The following ZNF565 variants were observed in gnomAD, a reference collection of about 807,000 sequenced individuals.
ZNF565 encodes zinc finger protein 565.
ZNF565 carries 27 observed loss-of-function variants against 39.4 expected under a neutral mutation model. That is an observed-to-expected ratio of 0.69 (90% CI 0.51 to 0.95). The LOEUF is 0.95. Ranked by LOEUF, ZNF565 falls within the 40% of genes least tolerant of loss-of-function variation. The pLI is 0.00. For missense variants in ZNF565, 524 were observed against 621.1 expected (o/e 0.84, Z 1.66); for synonymous variants, 185 against 216.6 (o/e 0.85, Z 1.28).
chr19:36,223,326 G>C (rs1055590047), intron 1 of ZNF565, among the ~76,000 whole-genome samples: 11 of 149,510 alleles, frequency 7.4e-5, no homozygotes, highest in African/African-American at 2.5e-4. Context: ...CTGGGCAACA[G>C]AGTGAGACTC....
At chr19:36,198,374 CCA>C (rs1568417597) in intron 2 of ZNF565, among the ~76,000 whole-genome samples, 1 of 152,008 alleles carries the variant, frequency 6.6e-6, no homozygotes, top group African/African-American at 2.4e-5. Context: ...ATGAAGTAAG[CCA>C]GGCACAGAGA....
At chr19:36,225,563 G>A (rs190332325) in intron 1 of ZNF565, among the ~76,000 whole-genome samples, 252 of 150,756 alleles carry the variant, frequency 1.7e-3, no homozygotes, top group African/African-American at 5.9e-3. Context: ...CAGTCCTTTT[G>A]TCTCAGCCTG....
intron 3 of ZNF565, 80 bp downstream of exon 3, chr19:36,194,950 C>T (rs756016685): frequency 6.2e-7 from 1 of 1,601,816 alleles, no homozygotes; most frequent in East Asian, 2.2e-5. Context: ...CCCATTTAGG[C>T]AGAGATGGAA....
intron 1 of ZNF565, among the ~76,000 whole-genome samples, chr19:36,233,567 G>C (rs201307605): frequency 6.6e-6 from 1 of 152,062 alleles, no homozygotes; most frequent in Non-Finnish European, 1.5e-5. Flanking sequence ...GGCGTTTCTC[G>C]GAGAGGGGGA....
chr19:36,214,398 G>A (rs900644252), intron 1 of ZNF565, among the ~76,000 whole-genome samples: 1 of 152,030 alleles, frequency 6.6e-6, no homozygotes, highest in Admixed American at 6.6e-5. Flanking sequence ...CCGGTCACAA[G>A]GACCCTGCAC....
chr19:36,245,520 C>A lies in ZNF565; in HGVS notation c.11G>T (p.Gly4Val), dbSNP rs1057382264. The change falls in exon 1 of 5, where the codon GGA becomes GTA. Residue 4 changes from glycine (G) to valine (V), a missense_variant. Transcript: ENST00000355114. This position sits in a 1 kb window ranked among gnomAD's most constrained non-coding sequence, Gnocchi z 4.4. ...TGCGAGGGACCACCTTTCCCAGGGT[C>A]CACGGCGCATTTAGGTGGTGGCTTG... is the stretch of plus-strand genomic sequence containing the variant. The A allele has an allele frequency of 7.1e-5, 50 of 702,208 alleles. No individual in the cohort carries two copies. In the Admixed American group the frequency reaches 9.8e-4, roughly 14 times the overall value. 43.5% of individuals were successfully genotyped at this position (702,208 alleles called of 1,614,324 possible).
chr19:36,211,031 T>C (rs987050787), intron 1 of ZNF565, among the ~76,000 whole-genome samples: 18 of 151,508 alleles, frequency 1.2e-4, no homozygotes, highest in Non-Finnish European at 2.1e-4. Flanking sequence ...AATGAATATA[T>C]AACCTATAGA....
intron 3 of ZNF565, 88 bp downstream of exon 3, chr19:36,194,942 C>T: frequency 6.3e-7 from 1 of 1,592,324 alleles, no homozygotes. Context: ...TCTCCTCACC[C>T]ATTTAGGCAG....
chr19:36,222,235 T>C (rs1310016251), intron 1 of ZNF565, among the ~76,000 whole-genome samples: 2 of 152,168 alleles, frequency 1.3e-5, no homozygotes, highest in East Asian at 3.8e-4. Context: ...AGGTGTTCCT[T>C]CTTAATCATA....
In ZNF565 at chr19:36,245,824, C is replaced by T. The variant is rs1042857539; in HGVS notation, c.-294G>A. The stretch of plus-strand genomic sequence containing the variant: ...GAGTCCCGGTTCCTTCGCCCAGCTG[C>T]GGGCCTCGGGCTACTGGATCCGCTG... On this transcript the variant is annotated 5_prime_UTR_variant, in exon 1 of 5. Transcript: ENST00000355114. The surrounding 1 kb of genome is among the most constrained non-coding windows in gnomAD (Gnocchi z 4.4). The T allele has an allele frequency of 1.4e-5, 5 of 363,958 alleles. No individual in the cohort carries two copies. The East Asian group carries it at 1.5e-4, about 11-fold the overall frequency. The allele number at this position is 363,958 out of a possible 1,614,324, so 22.5% of individuals were successfully genotyped here.
intron 1 of ZNF565, chr19:36,236,288 C>T (rs901032851): frequency 2.1e-5 from 19 of 915,412 alleles, no homozygotes; most frequent in Non-Finnish European, 2.7e-5. Context: ...CCTCTCAAAC[C>T]TTATCCCTTA....
intron 1 of ZNF565, among the ~76,000 whole-genome samples, chr19:36,222,571 A>G (rs1205637851): frequency 6.6e-6 from 1 of 151,826 alleles, no homozygotes; most frequent in Non-Finnish European, 1.5e-5. Flanking sequence ...CGCTAGGGAC[A>G]TAAGAGACAA....
At chr19:36,190,158 A>G (rs1199096294) in intron 4 of ZNF565, among the ~76,000 whole-genome samples, 1 of 152,104 alleles carries the variant, frequency 6.6e-6, no homozygotes, top group African/African-American at 2.4e-5. Context: ...TGCATATTCA[A>G]TTAACTTTGC....
In ZNF565 at chr19:36,183,424, T is replaced by C. The variant is rs778213730; in HGVS notation, c.542A>G (p.His181Arg). The change falls in exon 5 of 5, where the codon CAC becomes CGC. Residue 181 changes from histidine (H) to arginine (R), a missense_variant. By Grantham distance (29) the His-to-Arg change is conservative. Transcript: ENST00000304116. Reference protein sequence around the residue: ...ECGKAFSRGSHLIQHQKIHTG... With the variant: ...ECGKAFSRGSRLIQHQKIHTG... ...GTGAATTTTCTGATGTTGAATAAGG[T>C]GTGAGCCACGGCTAAATGCTTTCCC... 1 of 1,611,714 alleles carries C rather than the reference T, an allele frequency of 6.2e-7. No homozygotes were observed. The highest frequency in any genetic ancestry group is 2.2e-5 in the East Asian group (1 of 44,870).
upstream of ZNF565, among the ~76,000 whole-genome samples, chr19:36,218,952 G>T (rs1310431307): frequency 2.0e-5 from 3 of 151,372 alleles, no homozygotes; most frequent in African/African-American, 7.3e-5. Context: ...GGGACTACGG[G>T]CGCCCACCAC....
chr19:36,221,434 GT>G (rs1976833737), intron 1 of ZNF565, among the ~76,000 whole-genome samples: 1 of 151,770 alleles, frequency 6.6e-6, no homozygotes, highest in Non-Finnish European at 1.5e-5. Context: ...GACTATAGGT[GT>G]CAGCCACCAC....
At chr19:36,222,414 T>C (rs980010556) in intron 1 of ZNF565, among the ~76,000 whole-genome samples, 3 of 152,266 alleles carry the variant, frequency 2.0e-5, no homozygotes, top group African/African-American at 7.2e-5. Flanking sequence ...CGCCATTTTA[T>C]ACTGACACAG....
At chr19:36,239,376 A>G (rs1249286851) in intron 1 of ZNF565, among the ~76,000 whole-genome samples, 1 of 146,330 alleles carries the variant, frequency 6.8e-6, no homozygotes, top group Non-Finnish European at 1.5e-5. Flanking sequence ...CCAGAATACC[A>G]TGGCAGGATC....
chr19:36,239,838 T>G (rs1977768614), intron 1 of ZNF565, among the ~76,000 whole-genome samples: 2 of 152,198 alleles, frequency 1.3e-5, no homozygotes, highest in African/African-American at 4.8e-5. Context: ...ATTTTTTTAT[T>G]CTTTGATCAC....
Sources: allele counts gnomAD v4.1 joint callset (sites outside exome capture counted in the v4.1 genomes callset), GRCh38; gene constraint gnomAD v4.1.1; non-coding constraint Gnocchi (gnomAD v3.1); transcripts MANE v1.5; gene names NCBI Gene and HGNC (gene_info 2026-07-23, HGNC 2026-07-21).